AGBL1: variants seen among roughly 807,000 people sequenced by gnomAD.
The protein encoded by AGBL1 is cytosolic carboxypeptidase 4.
AGBL1 carries 130 observed loss-of-function variants against 118.9 expected under a neutral mutation model. That is an observed-to-expected ratio of 1.09 (90% confidence interval 0.95 to 1.26). AGBL1 has a LOEUF of 1.26. AGBL1 is among the 50% of genes most tolerant of loss of function. The pLI, the probability that AGBL1 is intolerant of heterozygous loss-of-function variation, is 0.00. For synonymous variants in AGBL1, 555 were observed against 478.9 expected (o/e 1.16, Z -2.08); for missense variants, 1,584 against 1,298.1 (o/e 1.22, Z -3.38).
chr15:86,113,238 TTTTCTTTTCTTTTCTTTTC>T (rs747358621), intron 1 of AGBL1, among the ~76,000 whole-genome samples: 1,141 of 83,650 alleles, frequency 0.014, 8 homozygotes, highest in Middle Eastern at 0.02. Context: ...TTTTCTTTTC[TTTTCTTTTCTTTTCTTTTC>T]TTTCTTTCTT....
At chr15:86,170,352 T>A (rs901661069) in intron 5 of AGBL1, among the ~76,000 whole-genome samples, 1 of 151,762 alleles carries the variant, frequency 6.6e-6, no homozygotes, top group Non-Finnish European at 1.5e-5. Flanking sequence ...AGAGCACTAG[T>A]GAACTATGGG....
intron 5 of AGBL1, among the ~76,000 whole-genome samples, chr15:86,206,472 T>C (rs1276668665): frequency 6.6e-6 from 1 of 152,176 alleles, no homozygotes; most frequent in Non-Finnish European, 1.5e-5. Flanking sequence ...CTCCCCAGCA[T>C]CTGTTGTTTC....
At chr15:86,154,932 C>A (rs2077168036) in intron 4 of AGBL1, among the ~76,000 whole-genome samples, 1 of 152,080 alleles carries the variant, frequency 6.6e-6, no homozygotes, top group Non-Finnish European at 1.5e-5. Flanking sequence ...TATATCTGGG[C>A]AGAATGACTC....
chr15:86,145,887 A>G (rs2077026899), intron 3 of AGBL1, among the ~76,000 whole-genome samples: 1 of 152,204 alleles, frequency 6.6e-6, no homozygotes, highest in Non-Finnish European at 1.5e-5. Flanking sequence ...TGTAAGAGGA[A>G]GCAAGAGTGA....
At chr15:86,805,299 C>T (rs2078701443) in intron 22 of AGBL1, among the ~76,000 whole-genome samples, 1 of 151,840 alleles carries the variant, frequency 6.6e-6, no homozygotes, top group Non-Finnish European at 1.5e-5. Flanking sequence ...AGTGACTTAA[C>T]TGAGCAAGAG....
chr15:86,222,111 C>A (rs80230660), intron 5 of AGBL1, among the ~76,000 whole-genome samples: 5,847 of 152,212 alleles, frequency 0.038, 225 homozygotes, highest in South Asian at 0.083. Flanking sequence ...CTTCCTGGGG[C>A]AGCCCTCTAT....
intron 22 of AGBL1, among the ~76,000 whole-genome samples, chr15:86,860,106 C>G (rs1339848439): frequency 6.6e-6 from 1 of 152,104 alleles, no homozygotes; most frequent in Non-Finnish European, 1.5e-5. Flanking sequence ...CCCTACGAAC[C>G]TAACTTAGTC....
chr15:86,715,145 A>AGCCT (rs1380663654), intron 22 of AGBL1, among the ~76,000 whole-genome samples: 1 of 152,200 alleles, frequency 6.6e-6, no homozygotes, highest in East Asian at 1.9e-4. Context: ...CACTGATTTA[A>AGCCT]GCCTGCAAAG....
chr15:87,010,868 G>C (rs951711126), intron 24 of AGBL1, among the ~76,000 whole-genome samples: 1 of 152,062 alleles, frequency 6.6e-6, no homozygotes, highest in African/African-American at 2.4e-5. Flanking sequence ...CTATCTATCT[G>C]TTCATCTATC....
intron 5 of AGBL1, among the ~76,000 whole-genome samples, chr15:86,192,106 C>G (rs1399974849): frequency 6.6e-6 from 1 of 151,418 alleles, no homozygotes; most frequent in Non-Finnish European, 1.5e-5. Context: ...CTCTCCCACT[C>G]CTGCACGCCC....
chr15:86,135,567 T>C (rs2076878246), intron 1 of AGBL1, among the ~76,000 whole-genome samples: 1 of 152,168 alleles, frequency 6.6e-6, no homozygotes, highest in South Asian at 2.1e-4. Flanking sequence ...ATGACAAGGC[T>C]CTGTCAGATT....
intron 22 of AGBL1, among the ~76,000 whole-genome samples, chr15:86,839,274 C>T (rs1018856813): frequency 2.0e-5 from 3 of 152,174 alleles, no homozygotes; most frequent in Admixed American, 6.5e-5. Flanking sequence ...CAATATTGGC[C>T]TCTACTCTGC....
chr15:86,239,672 C>T lies in AGBL1; in HGVS notation c.527-7999C>T, dbSNP rs905022842. On this transcript the variant is annotated intron_variant, in intron 6 of 22. Coordinates refer to ENST00000614907, the MANE Select transcript of AGBL1 (RefSeq NM_001386094.1). ...TCTTTAAACCTTTTCAAGTTTCCTA[C>T]GAAAAACCAACTCTTACCACAATTT... 3.9e-5 allele frequency among the ~76,000 whole-genome samples: 6 copies of T among 152,120 alleles called. No individual in the cohort carries two copies. In the South Asian group the frequency reaches 6.2e-4, roughly 16 times the overall value.
intron 18 of AGBL1, among the ~76,000 whole-genome samples, chr15:86,462,612 G>T (rs1434581820): frequency 6.6e-6 from 1 of 152,008 alleles, no homozygotes; most frequent in Non-Finnish European, 1.5e-5. Context: ...AGGCCCTGGA[G>T]TGCGATGTTC....
chr15:86,542,350 A>G (rs1056616270), intron 19 of AGBL1, among the ~76,000 whole-genome samples: 1 of 132,398 alleles, frequency 7.6e-6, no homozygotes, highest in Admixed American at 7.7e-5. Context: ...GGATGCCACC[A>G]TTGAGATTTT....
intron 22 of AGBL1, among the ~76,000 whole-genome samples, chr15:86,813,589 T>A (rs116123123): frequency 6.6e-6 from 1 of 152,096 alleles, no homozygotes; most frequent in East Asian, 1.9e-4. Context: ...GCCCTTCATC[T>A]CTCTCAGGCC....
chr15:86,987,655 G>T (rs770502572), intron 23 of AGBL1, among the ~76,000 whole-genome samples: 2 of 151,890 alleles, frequency 1.3e-5, no homozygotes, highest in African/African-American at 2.4e-5. Context: ...TTATCAAAAG[G>T]TTTCTCCGCA....
chr15:86,455,180 AG>A (rs2142075865), intron 18 of AGBL1, among the ~76,000 whole-genome samples: 1 of 152,312 alleles, frequency 6.6e-6, no homozygotes, highest in Admixed American at 6.5e-5. Context: ...TTGAAATACC[AG>A]GCATTTGTAA....
intron 17 of AGBL1, among the ~76,000 whole-genome samples, chr15:86,372,132 C>T (rs1356318341): frequency 1.3e-5 from 2 of 152,246 alleles, no homozygotes; most frequent in Non-Finnish European, 2.9e-5. Context: ...CCCTTGCCTT[C>T]ATCAGCATGC....
Sources: allele counts gnomAD v4.1 joint callset (sites outside exome capture counted in the v4.1 genomes callset), GRCh38; gene constraint gnomAD v4.1.1; transcripts MANE v1.5; gene names NCBI Gene and HGNC (gene_info 2026-07-23, HGNC 2026-07-21).